RLIM: variants seen among roughly 807,000 people sequenced by gnomAD.
RLIM encodes ring finger protein, LIM domain interacting.
RLIM carries 2 observed loss-of-function variants against 34.0 expected under a neutral mutation model. That is an observed-to-expected ratio of 0.06 (90% confidence interval 0.02 to 0.19). RLIM has a LOEUF of 0.19. Ranked by LOEUF, RLIM falls within the 10% of genes least tolerant of loss-of-function variation. The pLI, the probability that RLIM is intolerant of heterozygous loss-of-function variation, is 1.00. For missense variants in RLIM, 286 were observed against 479.7 expected (o/e 0.60, Z 3.77); for synonymous variants, 169 against 164.0 (o/e 1.03, Z -0.23).
intron 1 of RLIM, among the ~76,000 whole-genome samples, chrX:74,609,101 T>G (rs1288824839): frequency 2.7e-5 from 3 of 111,659 alleles, no homozygotes; most frequent in African/African-American, 9.8e-5. Context: ...ACTGACAATG[T>G]TGGTGTTCAT....
Position 74,584,680 on chromosome X carries a change from G to T in RLIM, c.*6760C>A, listed in dbSNP as rs183507454. Among the ~76,000 whole-genome samples the T allele has an allele frequency of 1.9e-4, 21 of 111,037 alleles. No homozygotes were observed. The East Asian group carries it at 2.6e-3, about 13-fold the overall frequency. On this transcript the variant is annotated 3_prime_UTR_variant, in exon 4 of 4. Coordinates refer to ENST00000332687, the MANE Select transcript of RLIM (RefSeq NM_016120.4). ...CAGCCTTGACCTCCCGGGCTCAAGT[G>T]ATTCTACCACCTCAGCCTCCCAAGT...
chrX:74,606,506 G>A (rs995417348), intron 1 of RLIM, among the ~76,000 whole-genome samples: 1 of 111,880 alleles, frequency 8.9e-6, no homozygotes, highest in Admixed American at 9.5e-5. Flanking sequence ...TATAAATTAT[G>A]CAAATGACTG....
chrX:74,611,551 A>G (rs750364899), intron 1 of RLIM, among the ~76,000 whole-genome samples: 22 of 112,604 alleles, frequency 2.0e-4, no homozygotes, highest in Non-Finnish European at 4.1e-4. Flanking sequence ...GTGAAATAGA[A>G]CAATAAATAT....
chrX:74,583,914 C>T lies in RLIM; in HGVS notation c.*7526G>A, dbSNP rs1015337366. On this transcript the variant is annotated 3_prime_UTR_variant, in exon 4 of 4. Transcript: ENST00000332687. ...TAGAAAAATTAGCTGGGCGTGGTGG[C>T]GGGCGCCTGTAATCCCAGCTACTCG... 1.3e-4 allele frequency among the ~76,000 whole-genome samples: 14 copies of T among 110,557 alleles called. No individual in the cohort carries two copies. The highest frequency in any genetic ancestry group is 4.3e-4 in the African/African-American group (13 of 30,327).
intron 1 of RLIM, among the ~76,000 whole-genome samples, chrX:74,605,852 G>A (rs1189554109): frequency 9.0e-6 from 1 of 111,144 alleles, no homozygotes; most frequent in Non-Finnish European, 1.9e-5. Flanking sequence ...CACCTCTACA[G>A]GTGACAAACA....
intron 1 of RLIM, among the ~76,000 whole-genome samples, chrX:74,599,641 C>T (rs1241886911): frequency 9.0e-6 from 1 of 111,239 alleles, no homozygotes; most frequent in Non-Finnish European, 1.9e-5. Context: ...AGTGAGAAGA[C>T]AGCTGTCTAT....
At position 74,587,192 on chromosome X, in the gene RLIM, G is replaced by GT. The variant is rs748650079; in HGVS notation, c.*4247dup. On this transcript the variant is annotated 3_prime_UTR_variant, in exon 4 of 4. Transcript: ENST00000332687. ...TATGCTGTCAATTTACATTTTTCATGTTTTTTCAAAAGCACACAATTTACT... is the reference window on the plus strand; with the variant it reads ...TATGCTGTCAATTTACATTTTTCATGTTTTTTTCAAAAGCACACAATTTACT... The GT allele has an allele frequency of 8.0e-5, 9 of 111,887 alleles. No individual in the cohort carries two copies. Among genetic ancestry groups the GT allele is most frequent in the African/African-American group, 2.3e-4 (7 of 30,873 alleles). 9.2% of individuals were successfully genotyped at this position (111,887 alleles called of 1,213,427 possible).
chrX:74,582,991 T>C lies in RLIM; in HGVS notation c.*8449A>G, dbSNP rs889489425. On this transcript the variant is annotated 3_prime_UTR_variant, in exon 4 of 4. Coordinates refer to ENST00000332687, the MANE Select transcript of RLIM (RefSeq NM_016120.4). ...GTACATACGGTTCAGTTTCCTTCTTTTATATTTTGATATTTTTTTCCATAT... is the reference window on the plus strand; with the variant it reads ...GTACATACGGTTCAGTTTCCTTCTTCTATATTTTGATATTTTTTTCCATAT... 3.7e-6 allele frequency: 2 copies of C among 538,633 alleles called. No individual in the cohort carries two copies. The highest frequency in any genetic ancestry group is 5.6e-5 in the African/African-American group (2 of 35,520). 44.4% of individuals were successfully genotyped at this position (538,633 alleles called of 1,213,427 possible).
Position 74,592,023 on chromosome X carries a change from G to A in RLIM, c.1292C>T (p.Ser431Leu). 1 of 1,211,459 alleles carries A rather than the reference G, an allele frequency of 8.3e-7. No individual in the cohort carries two copies. Among genetic ancestry groups the A allele is most frequent in the Admixed American group, 2.2e-5 (1 of 46,019 alleles). The change falls in exon 4 of 4, where the codon TCA (serine) becomes TTA (leucine). Residue 431 changes from serine to leucine, a missense_variant. By Grantham distance (145) the Ser-to-Leu change is moderately radical (BLOSUM62 -2). Coordinates refer to ENST00000332687, the MANE Select transcript of RLIM (RefSeq NM_016120.4). ...CCTTTCCATATTTCGATTTGAGACT[G>A]AGCCAGTAGGCTCTGAGTCGCTATC... is the stretch of plus-strand genomic sequence containing the variant. Reference protein sequence around the residue: ...YSDSDSEPTGSVSNRNMERAE... With the variant: ...YSDSDSEPTGLVSNRNMERAE...
chrX:74,611,535 G>A (rs1025065032), intron 1 of RLIM, among the ~76,000 whole-genome samples: 2 of 112,045 alleles, frequency 1.8e-5, no homozygotes, highest in African/African-American at 6.5e-5. Context: ...TCCAATTACA[G>A]GGCCTGTGAA....
chrX:74,609,495 A>C (rs1242716918), intron 1 of RLIM, among the ~76,000 whole-genome samples: 2 of 87,710 alleles, frequency 2.3e-5, no homozygotes, highest in African/African-American at 8.6e-5. Flanking sequence ...TTCAAAAAAA[A>C]AAAAAAAAAA....
In RLIM at chrX:74,609,486, T is replaced by TAAA. The variant is rs1569313792; in HGVS notation, c.-24+4935_-24+4936insTTT. 4.5e-3 allele frequency among the ~76,000 whole-genome samples: 74 copies of TAAA among 16,492 alleles called. 1 individual carries two copies. Among genetic ancestry groups the TAAA allele is most frequent in the African/African-American group, 0.021 (73 of 3,478 alleles). The allele number at this position is 16,492 out of a possible 115,157, so 14.3% of individuals were successfully genotyped here. A position where few individuals can be genotyped will look rare whatever the true frequency, so the allele number is the denominator to read the frequency against. On this transcript the variant is annotated intron_variant, in intron 1 of 3. Coordinates refer to ENST00000332687, the MANE Select transcript of RLIM (RefSeq NM_016120.4). ...CTGGGCGACAGAGCGAGACTCCGTT[T>TAAA]CAAAAAAAAAAAAAAAAAAAAAAAA...
Position 74,590,142 on chromosome X carries a change from C to T in RLIM, c.*1298G>A, listed in dbSNP as rs2079605829. The T allele has an allele frequency of 8.9e-6, 1 of 112,126 alleles. No individual in the cohort carries two copies. The highest frequency in any genetic ancestry group is 9.5e-5 in the Admixed American group (1 of 10,554). 9.2% of individuals were successfully genotyped at this position (112,126 alleles called of 1,213,427 possible). On this transcript the variant is annotated 3_prime_UTR_variant, in exon 4 of 4. Coordinates refer to ENST00000332687, the MANE Select transcript of RLIM (RefSeq NM_016120.4). ...CACAAATTCGAGACTTTCCTATTAA[C>T]ACACACATGTGTACCAACTGCAATT...
chrX:74,586,211 G>A lies in RLIM; in HGVS notation c.*5229C>T, dbSNP rs999954541. ...ATCAAGAGGTAAAATCCAAACACTG[G>A]ACAGTTAAAACACATACAAACCAGT... is the stretch of plus-strand genomic sequence containing the variant. On this transcript the variant is annotated 3_prime_UTR_variant, in exon 4 of 4. Transcript: ENST00000332687. 8.9e-6 allele frequency: 1 copy of A among 111,881 alleles called. No individual in the cohort carries two copies. Among genetic ancestry groups the A allele is most frequent in the South Asian group, 3.7e-4 (1 of 2,724 alleles). The allele number at this position is 111,881 out of a possible 1,213,427, so 9.2% of individuals were successfully genotyped here. A position where few individuals can be genotyped will look rare whatever the true frequency, so the allele number is the denominator to read the frequency against.
In RLIM at chrX:74,586,580, T is replaced by TA. The variant is rs769579945; in HGVS notation, c.*4859dup. ...TTCTGTGATTATCACTTGACAGTTC[T>TA]AACACTGTTATACAGCTCAATTCTA... On this transcript the variant is annotated 3_prime_UTR_variant, in exon 4 of 4. Coordinates refer to ENST00000332687, the MANE Select transcript of RLIM (RefSeq NM_016120.4). 12 of 112,667 alleles carry TA rather than the reference T, an allele frequency of 1.1e-4. No individual in the cohort carries two copies. Among genetic ancestry groups the TA allele is most frequent in the African/African-American group, 1.6e-4 (5 of 31,037 alleles). 9.3% of individuals were successfully genotyped at this position (112,667 alleles called of 1,213,427 possible).
chrX:74,594,461 A>G, intron 2 of RLIM, 72 bp from the exon 3 acceptor site: 1 of 637,811 alleles, frequency 1.6e-6, no homozygotes, highest in East Asian at 3.7e-5. Context: ...AGTGACTCAC[A>G]GTAATCTGAC....
In RLIM at chrX:74,600,328, G is replaced by A. The variant is rs1231721255; in HGVS notation, c.-23-4328C>T. Among the ~76,000 whole-genome samples the A allele has an allele frequency of 3.6e-5, 4 of 109,930 alleles. No homozygotes were observed. In the South Asian group the frequency reaches 1.5e-3, roughly 42 times the overall value. On this transcript the variant is annotated intron_variant, in intron 1 of 3. Coordinates refer to ENST00000332687, the MANE Select transcript of RLIM (RefSeq NM_016120.4). ...CAAAACAAAAAAAAACCCTGAAAAG[G>A]AAGCCAAGTTTTCCCACATGAATCT...
At chrX:74,607,545 AC>A (rs1459385291) in intron 1 of RLIM, among the ~76,000 whole-genome samples, 1 of 112,776 alleles carries the variant, frequency 8.9e-6, no homozygotes, top group Non-Finnish European at 1.9e-5. Context: ...CCCTGTCTCT[AC>A]AAAAATACAA....
At chrX:74,598,769 ACT>A (rs1368267869) in intron 1 of RLIM, among the ~76,000 whole-genome samples, 2 of 82,666 alleles carry the variant, frequency 2.4e-5, no homozygotes, top group Non-Finnish European at 4.2e-5. Context: ...ACACAGTGAG[ACT>A]CTGTTTCAAA....
Sources: gnomAD v4.1 joint callset for allele counts (sites outside exome capture counted in the v4.1 genomes callset) on GRCh38, gnomAD v4.1.1 for gene constraint, MANE v1.5 for transcripts, NCBI Gene and HGNC (gene_info 2026-07-23, HGNC 2026-07-21) for gene names.